Variants in MESD observed in about 807,000 individuals in gnomAD.
The protein encoded by MESD is mesoderm development LRP chaperone.
In MESD, 7 loss-of-function variants were observed where a neutral mutation model predicts 12.9. The observed-to-expected ratio is 0.54, with a 90% CI of 0.31 to 1.02. The LOEUF is 1.02. Ranked by LOEUF, MESD falls within the 50% of genes least tolerant of loss-of-function variation. The probability of loss-of-function intolerance (pLI) is 0.05; values close to 1 mark genes in which losing one functional copy is unlikely to be tolerated. For synonymous variants in MESD, 126 were observed against 115.6 expected, an observed-to-expected ratio of 1.09 and a Z score of -0.58; for missense variants, 342 against 296.7, an observed-to-expected ratio of 1.15 and a Z score of -1.12.
At chr15:80,953,058 G>A (rs1412125128) in intron 3 of MESD, 2 of 455,966 alleles carry the variant, frequency 4.4e-6, no homozygotes, top group East Asian at 1.4e-4. Context: ...AGATGGATAA[G>A]AGAAGGGCCT....
At chr15:80,971,960 AAAAAG>A (rs1902297806), downstream of MESD, among the ~76,000 whole-genome samples, 1 of 152,232 alleles carries the variant, frequency 6.6e-6, no homozygotes, top group Admixed American at 6.5e-5. Context: ...AAAAAAAAAA[AAAAAG>A]AAATCGACAC....
At chr15:80,965,003 T>C (rs1020748021) in intron 3 of MESD, among the ~76,000 whole-genome samples, 2 of 152,200 alleles carry the variant, frequency 1.3e-5, no homozygotes, top group Non-Finnish European at 2.9e-5. Flanking sequence ...GAAACTATCA[T>C]CACAGTGAAC....
chr15:80,983,014 G>C (rs1398583483), intron 1 of MESD, among the ~76,000 whole-genome samples: 1 of 152,136 alleles, frequency 6.6e-6, no homozygotes, highest in Non-Finnish European at 1.5e-5. Context: ...GGCTGAGGTG[G>C]GAGAATTGCT....
intron 4 of MESD, chr15:80,950,825 G>A (rs1901787198): frequency 6.6e-6 from 1 of 152,628 alleles, no homozygotes; most frequent in African/African-American, 2.4e-5. Flanking sequence ...AGTCTCCCTG[G>A]GTCTTGTGAT....
chr15:80,984,416 G>GAAAAAGA (rs1051606240), intron 1 of MESD, among the ~76,000 whole-genome samples: 2 of 151,222 alleles, frequency 1.3e-5, no homozygotes, highest in South Asian at 4.2e-4. Flanking sequence ...CTACCAAAAA[G>GAAAAAGA]AAAAAGAAAA....
At chr15:80,972,132 A>T (rs1009565437), downstream of MESD, among the ~76,000 whole-genome samples, 2 of 152,168 alleles carry the variant, frequency 1.3e-5, no homozygotes, top group East Asian at 3.9e-4. Flanking sequence ...TCCCTCACAT[A>T]GATGGATAAG....
At chr15:80,981,873 C>G in intron 2 of MESD, 77 bp downstream of exon 2, 1 of 1,055,236 alleles carries the variant, frequency 9.5e-7, no homozygotes. Context: ...TCATCATCAT[C>G]ATCATAATTA....
intron 3 of MESD, among the ~76,000 whole-genome samples, chr15:80,954,708 T>A (rs1901929294): frequency 6.6e-6 from 1 of 152,198 alleles, no homozygotes; most frequent in Non-Finnish European, 1.5e-5. Flanking sequence ...ATCAACAACA[T>A]GCATGACTCA....
intron 3 of MESD, among the ~76,000 whole-genome samples, chr15:80,957,404 C>G (rs1048832844): frequency 6.6e-6 from 1 of 152,126 alleles, no homozygotes; most frequent in Non-Finnish European, 1.5e-5. Flanking sequence ...GGTTTCCCAG[C>G]TAAAAATGAA....
intron 3 of MESD, among the ~76,000 whole-genome samples, chr15:80,958,909 A>C (rs1455513261): frequency 1.3e-5 from 2 of 152,222 alleles, no homozygotes; most frequent in Non-Finnish European, 2.9e-5. Flanking sequence ...CTTGGTAAGA[A>C]GTGGTGACCC....
At chr15:80,986,220 T>A (rs1402445064) in intron 1 of MESD, among the ~76,000 whole-genome samples, 1 of 152,152 alleles carries the variant, frequency 6.6e-6, no homozygotes, top group African/African-American at 2.4e-5. Context: ...AATAGTTGTG[T>A]TCACATAAGT....
At chr15:80,959,652 A>G (rs1902051304) in intron 3 of MESD, among the ~76,000 whole-genome samples, 1 of 152,228 alleles carries the variant, frequency 6.6e-6, no homozygotes, top group Non-Finnish European at 1.5e-5. Context: ...CTACCATAAC[A>G]TAAATTATTA....
At chr15:80,962,640 C>T (rs1049511723) in intron 3 of MESD, among the ~76,000 whole-genome samples, 6 of 152,200 alleles carry the variant, frequency 3.9e-5, no homozygotes, top group African/African-American at 1.2e-4. Context: ...CAAACTGTCT[C>T]AGACCACAGT....
intron 3 of MESD, among the ~76,000 whole-genome samples, chr15:80,968,552 C>T (rs930987510): frequency 3.3e-5 from 5 of 152,204 alleles, no homozygotes; most frequent in Non-Finnish European, 5.9e-5. Context: ...GTGGCTCACA[C>T]CTGTACTCCT....
chr15:80,968,874 T>C (rs1040841758), intron 3 of MESD, among the ~76,000 whole-genome samples: 6 of 152,044 alleles, frequency 3.9e-5, no homozygotes, highest in African/African-American at 1.2e-4. Context: ...TGTTAACTAA[T>C]ACCAACCTTG....
intron 3 of MESD, among the ~76,000 whole-genome samples, chr15:80,963,598 G>A (rs182124774): frequency 4.6e-5 from 7 of 152,290 alleles, no homozygotes; most frequent in Admixed American, 1.3e-4. Flanking sequence ...CTGGCAAACC[G>A]AATCCAGCAG....
downstream of MESD, among the ~76,000 whole-genome samples, chr15:80,975,155 G>A (rs1341846660): frequency 6.7e-6 from 1 of 149,990 alleles, no homozygotes; most frequent in African/African-American, 2.5e-5. Flanking sequence ...GCCGAGGCAG[G>A]AGGATTGCTT....
chr15:80,980,635 G>T (rs956326866), intron 2 of MESD, among the ~76,000 whole-genome samples: 9 of 151,882 alleles, frequency 5.9e-5, no homozygotes, highest in African/African-American at 1.9e-4. Context: ...GATCAACTGA[G>T]ATATTAAAAA....
At chr15:80,964,286 C>G (rs1023775306) in intron 3 of MESD, among the ~76,000 whole-genome samples, 1 of 152,112 alleles carries the variant, frequency 6.6e-6, no homozygotes, top group African/African-American at 2.4e-5. Flanking sequence ...AGGACCTCTT[C>G]AAGGAGAACT....
Sources: gnomAD v4.1 joint callset for allele counts (sites outside exome capture counted in the v4.1 genomes callset) on GRCh38, gnomAD v4.1.1 for gene constraint, MANE v1.5 for transcripts, NCBI Gene and HGNC (gene_info 2026-07-23, HGNC 2026-07-21) for gene names.